Variants in TFEC observed in about 807,000 individuals in gnomAD.
The protein encoded by TFEC is class E basic helix-loop-helix protein 34.
TFEC carries 31 observed loss-of-function variants against 41.6 expected under a neutral mutation model. The observed-to-expected ratio is 0.74, with a 90% CI of 0.56 to 1.01. TFEC has a LOEUF of 1.01. Ranked by LOEUF, TFEC falls within the 50% of genes least tolerant of loss-of-function variation. The pLI, the probability that TFEC is intolerant of heterozygous loss-of-function variation, is 0.00. For missense variants in TFEC, 402 were observed against 404.1 expected (o/e 0.99, Z 0.04); for synonymous variants, 143 against 140.6 (o/e 1.02, Z -0.12).
chr7:116,053,077 A>C (rs1796351332), intron 3 of TFEC, among the ~76,000 whole-genome samples: 1 of 152,122 alleles, frequency 6.6e-6, no homozygotes, highest in Admixed American at 6.5e-5. Context: ...ATTTAAAAAA[A>C]AAGAAAGAAA....
chr7:116,082,346 T>C (rs924906216), intron 3 of TFEC, among the ~76,000 whole-genome samples: 9 of 151,982 alleles, frequency 5.9e-5, no homozygotes, highest in Admixed American at 5.9e-4. Context: ...GACCTTTTCC[T>C]AGATTAACTT....
chr7:116,057,468 A>G (rs1010870451), intron 3 of TFEC, among the ~76,000 whole-genome samples: 1 of 151,974 alleles, frequency 6.6e-6, no homozygotes, highest in Non-Finnish European at 1.5e-5. Context: ...GGTGAAACAT[A>G]AAAAATCGGA....
At chr7:116,003,253 A>T (rs1051255514) in intron 1 of TFEC, among the ~76,000 whole-genome samples, 8 of 13,968 alleles carry the variant, frequency 5.7e-4, no homozygotes, top group Middle Eastern at 0.059. Flanking sequence ...TTTAAATTTA[A>T]AAAAAAAAAT....
intron 1 of TFEC, among the ~76,000 whole-genome samples, chr7:115,986,670 T>C (rs983690639): frequency 6.8e-6 from 1 of 147,124 alleles, no homozygotes; most frequent in African/African-American, 2.5e-5. Context: ...ACACCACATG[T>C]TCTCACTCAT....
chr7:116,123,732 T>C (rs1275832948), intron 1 of TFEC, among the ~76,000 whole-genome samples: 1 of 152,108 alleles, frequency 6.6e-6, no homozygotes, highest in African/African-American at 2.4e-5. Flanking sequence ...ATTCCACCTT[T>C]TCATAACTTT....
chr7:115,937,953 T>G lies in TFEC; in HGVS notation c.*2598A>C, dbSNP rs1793309752. 1 of 151,902 alleles carries G rather than the reference T, an allele frequency of 6.6e-6. No individual in the cohort carries two copies. The highest frequency in any genetic ancestry group is 6.6e-5 in the Admixed American group (1 of 15,224). The allele number at this position is 151,902 out of a possible 1,614,324, so 9.4% of individuals were successfully genotyped here. On this transcript the variant is annotated 3_prime_UTR_variant, in exon 8 of 8. Transcript: ENST00000265440. ...AAAAAGTTAAGAACTACCATCTAAT[T>G]AATTTTTAATGTATTTCAGTTGACC...
intron 3 of TFEC, among the ~76,000 whole-genome samples, chr7:116,068,140 C>T (rs186871221): frequency 9.9e-5 from 15 of 151,832 alleles, no homozygotes; most frequent in Admixed American, 8.5e-4. Context: ...GGGAGTGCTG[C>T]AAAATGAAAT....
intron 3 of TFEC, among the ~76,000 whole-genome samples, chr7:116,072,400 T>C (rs1796851338): frequency 1.3e-5 from 2 of 151,634 alleles, no homozygotes; most frequent in Non-Finnish European, 3.0e-5. Context: ...GTATGTATTT[T>C]AATATTAAAT....
chr7:115,976,061 C>T (rs908686535), intron 2 of TFEC, among the ~76,000 whole-genome samples: 6 of 152,066 alleles, frequency 3.9e-5, no homozygotes, highest in Non-Finnish European at 8.8e-5. Flanking sequence ...CATATGACTA[C>T]TAAATACGTG....
chr7:115,999,375 CTAAA>C (rs1794498622), intron 1 of TFEC, among the ~76,000 whole-genome samples: 3 of 151,790 alleles, frequency 2.0e-5, no homozygotes, highest in African/African-American at 7.2e-5. Flanking sequence ...GTATAAACAC[CTAAA>C]TGAGAAAAGT....
At chr7:116,057,500 C>T (rs1367700207) in intron 3 of TFEC, among the ~76,000 whole-genome samples, 2 of 151,556 alleles carry the variant, frequency 1.3e-5, no homozygotes, top group African/African-American at 2.4e-5. Context: ...ACCAGCATAC[C>T]CATACTATAA....
rs1329508148 is a variant in TFEC, at chr7:115,947,354, A to C, written c.515+3520T>G. Among the ~76,000 whole-genome samples, 3 of 151,198 alleles carry C rather than the reference A, an allele frequency of 2.0e-5. No individual in the cohort carries two copies. In the East Asian group the frequency reaches 5.9e-4, roughly 30 times the overall value. On this transcript the variant is annotated intron_variant, in intron 6 of 7. Transcript: ENST00000265440. Reference sequence around the variant, plus strand: ...TTTGGGTTGGTTCCAAGTCTTTGCTATTGTGAATAATGCTGCAATAAACAT... The same window carrying C: ...TTTGGGTTGGTTCCAAGTCTTTGCTCTTGTGAATAATGCTGCAATAAACAT...
At chr7:116,042,844 A>G (rs1245129133) in intron 3 of TFEC, among the ~76,000 whole-genome samples, 1 of 152,072 alleles carries the variant, frequency 6.6e-6, no homozygotes, top group African/African-American at 2.4e-5. Context: ...AAAATTATAA[A>G]GCTGAGTAGC....
chr7:116,129,851 T>C (rs967002305), intron 1 of TFEC, among the ~76,000 whole-genome samples: 1 of 151,600 alleles, frequency 6.6e-6, no homozygotes, highest in Non-Finnish European at 1.5e-5. Flanking sequence ...AGAAGATGGG[T>C]ATCATCATTC....
rs774339704 is a variant in TFEC at position 115,984,312 on chromosome 7, G to A, written c.130C>T (p.Leu44Phe). ...TTCCCAATAGCTAGTAACTTGGTGA[G>A]TGGGTTTTCTGTGAGGCCAGCATCA... ...DSDAGLTENP[L>F]TKLLAIGKED... Residue 44 changes from leucine (L) to phenylalanine (F), a missense_variant, in exon 2 of 8, where the codon CTC becomes TTC. Leu to Phe is a conservative substitution (Grantham distance 22, BLOSUM62 0). Transcript: ENST00000265440. 1.1e-5 allele frequency: 18 copies of A among 1,614,040 alleles called. No homozygotes were observed. The highest frequency in any genetic ancestry group is 4.0e-5 in the African/African-American group (3 of 74,934).
At chr7:115,999,494 G>A (rs190704004) in intron 1 of TFEC, among the ~76,000 whole-genome samples, 51 of 151,844 alleles carry the variant, frequency 3.4e-4, no homozygotes, top group South Asian at 2.5e-3. Flanking sequence ...AATAAATAAA[G>A]TTTAAATGAA....
intron 3 of TFEC, among the ~76,000 whole-genome samples, chr7:116,064,410 C>T (rs1233587945): frequency 6.6e-6 from 1 of 150,576 alleles, no homozygotes; most frequent in South Asian, 2.1e-4. Flanking sequence ...AAAAATATAT[C>T]TTTTAAATAT....
At chr7:116,121,210 T>A (rs1798101333) in intron 1 of TFEC, among the ~76,000 whole-genome samples, 1 of 152,012 alleles carries the variant, frequency 6.6e-6, no homozygotes, top group Admixed American at 6.6e-5. Context: ...GGAATATTAT[T>A]CATCCATAAA....
chr7:116,119,510 G>A (rs918510313), intron 1 of TFEC, among the ~76,000 whole-genome samples: 20 of 151,478 alleles, frequency 1.3e-4, no homozygotes, highest in East Asian at 3.9e-4. Flanking sequence ...CAAATCATAC[G>A]TACAATATTT....
Sources: gnomAD v4.1 joint callset for allele counts (sites outside exome capture counted in the v4.1 genomes callset) on GRCh38, gnomAD v4.1.1 for gene constraint, MANE v1.5 for transcripts, NCBI Gene and HGNC (gene_info 2026-07-23, HGNC 2026-07-21) for gene names.